The following PDE4A variants were observed in gnomAD, a reference collection of about 807,000 sequenced individuals.
PDE4A encodes the protein 3',5'-cyclic-AMP phosphodiesterase 4A.
A neutral mutation model predicts 73.9 loss-of-function variants in PDE4A; 21 were observed. The ratio of observed to expected loss-of-function variants is 0.28; its 90% confidence interval spans 0.20 to 0.41. The LOEUF is 0.41. Ranked by LOEUF, PDE4A falls within the 10% of genes least tolerant of loss-of-function variation. The pLI is 1.00. For synonymous variants in PDE4A, 463 were observed against 505.4 expected, an observed-to-expected ratio of 0.92 and a Z score of 1.13; for missense variants, 958 against 1,211.4, an observed-to-expected ratio of 0.79 and a Z score of 3.10.
chr19:10,418,975 G>T, upstream of PDE4A: 1 of 984,966 alleles, frequency 1.0e-6, no homozygotes, highest in Non-Finnish European at 1.2e-6. Flanking sequence ...TGGGGGGGCC[G>T]GTTTTTGCTC....
rs1282458929 is a variant in PDE4A, at chr19:10,421,024, C to T, written c.260C>T (p.Pro87Leu). Residue 87 changes from proline (P) to leucine (L), a missense_variant, in exon 1 of 15, where the codon CCC becomes CTC. Pro to Leu is a moderately conservative substitution (Grantham distance 98, BLOSUM62 -3). This residue lies in a region of PDE4A where 145 missense variants were observed against 137.8 expected (regional missense o/e 1.05). Transcript: ENST00000380702. ...CTGCGCACGACCCGCATGTCCTGGC[C>T]CTCGTCCTTCCATGGCACTGGCACC... ...PGLRTTRMSW[P>L]SSFHGTGTGS... The T allele has an allele frequency of 2.7e-6, 4 of 1,464,832 alleles. No homozygotes were observed. Among genetic ancestry groups the T allele is most frequent in the African/African-American group, 1.5e-5 (1 of 67,782 alleles). 90.7% of individuals were successfully genotyped at this position (1,464,832 alleles called of 1,614,324 possible).
rs1452237960 is a variant in PDE4A, at chr19:10,468,097, A to C, written c.*476A>C. The stretch of plus-strand genomic sequence containing the variant: ...GGCCTCCTTCTGGGCTTTTCTTCTG[A>C]ATTTAGAGGATTTCTAGAACGTGGT... On this transcript the variant is annotated 3_prime_UTR_variant, in exon 15 of 15. Transcript: ENST00000380702. 3 of 152,726 alleles carry C rather than the reference A, an allele frequency of 2.0e-5. No individual in the cohort carries two copies. Among genetic ancestry groups the C allele is most frequent in the African/African-American group, 7.3e-5 (3 of 41,344 alleles). 9.5% of individuals were successfully genotyped at this position (152,726 alleles called of 1,614,324 possible).
rs375547026 is a variant in PDE4A at position 10,446,353 on chromosome 19, C to T, written c.456C>T (p.Ser152=). ...AGTCCTTCCTGTACCGCTCAGACAGCGACTATGACATGTCACCCAAGACCA... is the reference window on the plus strand; with the variant it reads ...AGTCCTTCCTGTACCGCTCAGACAGTGACTATGACATGTCACCCAAGACCA... The part of the protein sequence containing the change: ...RRESFLYRSD[S]DYDMSPKTMS... The change falls in exon 2 of 15, where the codon AGC becomes AGT. Residue 152 remains serine (S), a synonymous_variant. Coordinates refer to ENST00000380702, the MANE Select transcript of PDE4A (RefSeq NM_001111307.2). 6 of 1,613,784 alleles carry T rather than the reference C, an allele frequency of 3.7e-6. No individual in the cohort carries two copies. The highest frequency in any genetic ancestry group is 2.2e-5 in the East Asian group (1 of 44,866).
intron 6 of PDE4A, 83 bp from the exon 7 acceptor site, chr19:10,454,746 C>G: frequency 6.2e-7 from 1 of 1,601,204 alleles, no homozygotes; most frequent in South Asian, 1.1e-5. Context: ...ATGGGGTCTT[C>G]AGGCGTTCTT....
intron 1 of PDE4A, chr19:10,432,333 C>A (rs1368076824): frequency 7.9e-7 from 1 of 1,267,324 alleles, no homozygotes; most frequent in African/African-American, 1.6e-5. Context: ...GGAGGCGGTG[C>A]CGGCAGTGGA....
intron 13 of PDE4A, among the ~76,000 whole-genome samples, chr19:10,462,450 C>T (rs377753854): frequency 1.4e-4 from 21 of 151,782 alleles, no homozygotes; most frequent in South Asian, 8.4e-4. Context: ...CGTGAGCCAC[C>T]GCGCTCAGCC....
intron 1 of PDE4A, among the ~76,000 whole-genome samples, chr19:10,442,170 T>C (rs1243874287): frequency 6.6e-6 from 1 of 152,098 alleles, no homozygotes; most frequent in Non-Finnish European, 1.5e-5. Context: ...GCTTCCCCTT[T>C]CTAGGTCAGC....
chr19:10,430,937 C>G (rs1315543565), intron 1 of PDE4A: 2 of 1,521,036 alleles, frequency 1.3e-6, no homozygotes, highest in East Asian at 2.6e-5. Context: ...CGTTCCTGCC[C>G]GAGCCCCTGG....
chr19:10,436,906 G>A (rs1056416832), intron 1 of PDE4A, among the ~76,000 whole-genome samples: 5 of 152,008 alleles, frequency 3.3e-5, no homozygotes, highest in Non-Finnish European at 7.4e-5. Context: ...AGGTGTAGTG[G>A]CGCACACCTG....
upstream of PDE4A, chr19:10,417,017 G>A (rs2145432301): frequency 2.0e-6 from 3 of 1,535,892 alleles, no homozygotes; most frequent in South Asian, 3.6e-5. Flanking sequence ...TTGGGCTAGG[G>A]GCGGGGCTTC....
chr19:10,421,091 C>T lies in PDE4A; in HGVS notation c.320+7C>T, dbSNP rs988255639. The stretch of plus-strand genomic sequence containing the variant: ...GCGGAGGCAGCAGCAGGCGGTAAGA[C>T]TCCCCGCGGCGGATGCGCGCGGAAC... On this transcript the variant is annotated splice_region_variant and intron_variant, in intron 1 of 14. Transcript: ENST00000380702. 1.5e-6 allele frequency: 2 copies of T among 1,365,682 alleles called. No homozygotes were observed. The highest frequency in any genetic ancestry group is 4.0e-5 in the Admixed American group (1 of 24,866). 84.6% of individuals were successfully genotyped at this position (1,365,682 alleles called of 1,614,324 possible).
chr19:10,463,006 C>G (rs1194804124), intron 13 of PDE4A, among the ~76,000 whole-genome samples: 1 of 152,142 alleles, frequency 6.6e-6, no homozygotes, highest in Non-Finnish European at 1.5e-5. Context: ...CCAGCCAGAG[C>G]AACATTGCAA....
At chr19:10,450,300 G>A (rs1487467086) in intron 4 of PDE4A, among the ~76,000 whole-genome samples, 1 of 152,150 alleles carries the variant, frequency 6.6e-6, no homozygotes, top group African/African-American at 2.4e-5. Context: ...TTAGGGGCTT[G>A]GAGGATTTGT....
In PDE4A at chr19:10,459,391, C is replaced by T. The variant is rs1254800550; in HGVS notation, c.1102-9C>T. The stretch of plus-strand genomic sequence containing the variant: ...CAGGCTTCTGACCTCTGGCCTCCGT[C>T]TCCACCAGGAACTGGAGAACCTGAA... On this transcript the variant is annotated splice_polypyrimidine_tract_variant and intron_variant, in intron 8 of 14. Coordinates refer to ENST00000380702, the MANE Select transcript of PDE4A (RefSeq NM_001111307.2). 3.7e-6 allele frequency: 6 copies of T among 1,614,144 alleles called. No homozygotes were observed. The highest frequency in any genetic ancestry group is 5.1e-6 in the Non-Finnish European group (6 of 1,180,060).
At chr19:10,449,800 A>G (rs181117148) in intron 4 of PDE4A, among the ~76,000 whole-genome samples, 1 of 152,132 alleles carries the variant, frequency 6.6e-6, no homozygotes, top group Admixed American at 6.6e-5. Context: ...GCCCTTCTGC[A>G]AAGTGATGAT....
intron 2 of PDE4A, 142 bp from the exon 3 acceptor site, chr19:10,448,775 A>G (rs2043048883): frequency 6.8e-7 from 1 of 1,481,158 alleles, no homozygotes; most frequent in East Asian, 2.4e-5. Context: ...ATCCACCCTT[A>G]TGCAGTACAA....
Position 10,453,121 on chromosome 19 carries a change from C to G in PDE4A, c.784-1708C>G. 3 of 1,377,166 alleles carry G rather than the reference C, an allele frequency of 2.2e-6. No individual in the cohort carries two copies. The highest frequency in any genetic ancestry group is 2.8e-6 in the Non-Finnish European group (3 of 1,066,712). The allele number at this position is 1,377,166 out of a possible 1,614,324, so 85.3% of individuals were successfully genotyped here. On this transcript the variant is annotated intron_variant, in intron 6 of 14. Transcript: ENST00000380702. The surrounding 1 kb of genome is among the most constrained non-coding windows in gnomAD (Gnocchi z 4.6). Reference sequence around the variant, plus strand: ...GCGGAGGGGAAGGGAGCCCCCAGCCCTGCTGGGCCGGCCCAGGCCCCTCCG... The same window carrying G: ...GCGGAGGGGAAGGGAGCCCCCAGCCGTGCTGGGCCGGCCCAGGCCCCTCCG...
At position 10,461,094 on chromosome 19, in the gene PDE4A, A is replaced by G; in HGVS notation, c.1456A>G (p.Ile486Val). 6.2e-7 allele frequency: 1 copy of G among 1,612,214 alleles called. No homozygotes were observed. Among genetic ancestry groups the G allele is most frequent in the Non-Finnish European group, 8.5e-7 (1 of 1,178,636 alleles). The change falls in exon 11 of 15, where the codon ATC (isoleucine) becomes GTC (valine). Residue 486 changes from isoleucine to valine, a missense_variant. Ile to Val is a conservative substitution (Grantham distance 29). This residue lies in a region of PDE4A where 570 missense variants were observed against 827.7 expected (regional missense o/e 0.69). Coordinates refer to ENST00000380702, the MANE Select transcript of PDE4A (RefSeq NM_001111307.2). Reference protein sequence around the residue: ...DHPGVSNQFLINTNSELALMY... With the variant: ...DHPGVSNQFLVNTNSELALMY... ...CCCTGGGGTCTCCAACCAGTTCCTC[A>G]TCAACACCAGTGAGTGGCCCTCGCC...
At chr19:10,421,176 G>A (rs976591237) in intron 1 of PDE4A, 92 bp downstream of exon 1, 2 of 1,335,326 alleles carry the variant, frequency 1.5e-6, no homozygotes. Flanking sequence ...GCTAGGATGC[G>A]GGTGGGGTCG....
Sources: gnomAD v4.1 joint callset for allele counts (sites outside exome capture counted in the v4.1 genomes callset) on GRCh38, gnomAD v4.1.1 for gene constraint, gnomAD v4.1.1 regional missense constraint, Gnocchi (gnomAD v3.1) non-coding constraint, MANE v1.5 for transcripts, NCBI Gene and HGNC (gene_info 2026-07-23, HGNC 2026-07-21) for gene names.